Variants in GPC6 observed in about 807,000 individuals in gnomAD.
GPC6 encodes the protein glypican 6, also known as glypican-6.
A neutral mutation model predicts 55.2 loss-of-function variants in GPC6; 14 were observed. The ratio of observed to expected loss-of-function variants is 0.25; its 90% CI spans 0.17 to 0.40. The LOEUF (loss-of-function observed/expected upper bound fraction) is 0.40. GPC6 is among the 10% of genes least tolerant of loss of function. The pLI, the probability that GPC6 is intolerant of heterozygous loss-of-function variation, is 1.00. For synonymous variants in GPC6, 278 were observed against 259.6 expected (o/e 1.07, Z -0.68); for missense variants, 641 against 708.5 (o/e 0.90, Z 1.08).
chr13:94,091,353 G>C (rs1566392870), intron 4 of GPC6, among the ~76,000 whole-genome samples: 1 of 149,284 alleles, frequency 6.7e-6, no homozygotes, highest in South Asian at 2.1e-4. Flanking sequence ...AACAAACAAA[G>C]AAAACTGAGA....
At chr13:93,322,423 T>C (rs866994768) in intron 1 of GPC6, among the ~76,000 whole-genome samples, 14 of 146,604 alleles carry the variant, frequency 9.5e-5, no homozygotes, top group Middle Eastern at 3.5e-3. Context: ...CTTTTTTTTT[T>C]CTTTCTTCTT....
intron 6 of GPC6, among the ~76,000 whole-genome samples, chr13:94,373,784 G>T (rs1257973197): frequency 6.6e-6 from 1 of 152,118 alleles, no homozygotes; most frequent in Non-Finnish European, 1.5e-5. Context: ...AATTTGAAAT[G>T]AAGGAAAAAA....
chr13:94,190,700 A>G (rs951344961), intron 4 of GPC6, among the ~76,000 whole-genome samples: 3 of 152,192 alleles, frequency 2.0e-5, no homozygotes, highest in African/African-American at 7.2e-5. Flanking sequence ...ATGGGTGTGT[A>G]AGAGGTTATC....
At chr13:93,445,768 T>TTGAA (rs1877976162) in intron 1 of GPC6, among the ~76,000 whole-genome samples, 1 of 152,212 alleles carries the variant, frequency 6.6e-6, no homozygotes, top group Admixed American at 6.5e-5. Context: ...TAAATCCTTA[T>TTGAA]TGAATGAATG....
intron 2 of GPC6, among the ~76,000 whole-genome samples, chr13:93,699,829 C>T (rs1369763413): frequency 6.6e-6 from 1 of 152,006 alleles, no homozygotes; most frequent in Non-Finnish European, 1.5e-5. Context: ...TCATACCTAT[C>T]ACACTCTTTT....
intron 3 of GPC6, among the ~76,000 whole-genome samples, chr13:93,947,718 C>A (rs1348689680): frequency 6.6e-6 from 1 of 151,474 alleles, no homozygotes; most frequent in Admixed American, 6.6e-5. Context: ...AAAGTGGTTT[C>A]TTTTTTTTCC....
chr13:93,993,299 T>C (rs546833452), intron 3 of GPC6, among the ~76,000 whole-genome samples: 7 of 151,370 alleles, frequency 4.6e-5, no homozygotes, highest in South Asian at 2.1e-4. Context: ...TTCTTTCTTT[T>C]TTTTTTTTTT....
intron 2 of GPC6, among the ~76,000 whole-genome samples, chr13:93,590,370 A>C (rs1877405294): frequency 3.3e-5 from 5 of 152,158 alleles, no homozygotes; most frequent in Admixed American, 3.3e-4. Context: ...TTTATTTTAA[A>C]TATGGTTCTC....
chr13:94,185,502 T>TTA (rs984180334), intron 4 of GPC6, among the ~76,000 whole-genome samples: 1 of 151,754 alleles, frequency 6.6e-6, no homozygotes, highest in Admixed American at 6.6e-5. Flanking sequence ...AATTCATATA[T>TTA]TATATATATG....
At chr13:93,717,747 G>A (rs962564870) in intron 2 of GPC6, among the ~76,000 whole-genome samples, 1 of 151,590 alleles carries the variant, frequency 6.6e-6, no homozygotes, top group Non-Finnish European at 1.5e-5. Context: ...TTCTCCTAAT[G>A]CTATCCTTCC....
At chr13:93,961,148 G>A (rs1879757481) in intron 3 of GPC6, among the ~76,000 whole-genome samples, 1 of 152,128 alleles carries the variant, frequency 6.6e-6, no homozygotes, top group Non-Finnish European at 1.5e-5. Context: ...CAACTGGTTG[G>A]TTGTTTTGGC....
chr13:93,542,677 G>T (rs1882367102), intron 1 of GPC6, among the ~76,000 whole-genome samples: 1 of 152,114 alleles, frequency 6.6e-6, no homozygotes, highest in Admixed American at 6.5e-5. Context: ...TCTTCCATTT[G>T]TTTGTATTCT....
intron 4 of GPC6, among the ~76,000 whole-genome samples, chr13:94,178,523 A>G (rs1027379397): frequency 1.3e-5 from 2 of 152,204 alleles, no homozygotes; most frequent in African/African-American, 4.8e-5. Flanking sequence ...ACTACACCCA[A>G]TTATTGTGTT....
chr13:94,169,357 A>G (rs1888480538), intron 4 of GPC6, among the ~76,000 whole-genome samples: 1 of 152,198 alleles, frequency 6.6e-6, no homozygotes, highest in Non-Finnish European at 1.5e-5. Context: ...TAAATACTTT[A>G]AAGTACTCTG....
intron 2 of GPC6, among the ~76,000 whole-genome samples, chr13:93,803,301 T>C (rs1437566607): frequency 6.6e-6 from 1 of 152,154 alleles, no homozygotes; most frequent in Non-Finnish European, 1.5e-5. Context: ...TGAATAGACA[T>C]TTCTTGAAAG....
intron 3 of GPC6, among the ~76,000 whole-genome samples, chr13:94,021,451 A>G (rs954055226): frequency 3.9e-5 from 6 of 152,220 alleles, no homozygotes; most frequent in African/African-American, 1.4e-4. Context: ...TTACATGGCT[A>G]AGAACATGCT....
intron 3 of GPC6, among the ~76,000 whole-genome samples, chr13:93,913,932 C>T (rs997907760): frequency 1.4e-5 from 2 of 143,160 alleles, no homozygotes; most frequent in African/African-American, 5.1e-5. Context: ...ACTTTAAGCT[C>T]CCCACACCTT....
At chr13:93,320,878 A>G (rs553425452) in intron 1 of GPC6, among the ~76,000 whole-genome samples, 2 of 152,266 alleles carry the variant, frequency 1.3e-5, no homozygotes, top group African/African-American at 4.8e-5. Flanking sequence ...CAGGTGAAGT[A>G]TTGTGTTTCT....
intron 3 of GPC6, among the ~76,000 whole-genome samples, chr13:93,971,353 G>A (rs544258875): frequency 6.6e-6 from 1 of 152,256 alleles, no homozygotes; most frequent in South Asian, 2.1e-4. Context: ...AACTTTGGAA[G>A]TTTCTTTTAC....
Sources: gnomAD v4.1 joint callset for allele counts (sites outside exome capture counted in the v4.1 genomes callset) on GRCh38, gnomAD v4.1.1 for gene constraint, MANE v1.5 for transcripts, NCBI Gene and HGNC (gene_info 2026-07-23, HGNC 2026-07-21) for gene names.